Variants in TMEM150C observed in about 807,000 individuals in gnomAD.
TMEM150C encodes transmembrane protein 150C.
A neutral mutation model predicts 29.9 loss-of-function variants in TMEM150C; 10 were observed. The observed-to-expected ratio is 0.33, with a 90% confidence interval of 0.21 to 0.57. TMEM150C has a LOEUF of 0.57. Among genes scored for constraint, TMEM150C ranks in the 20% least tolerant of loss-of-function variants. The pLI, the probability that TMEM150C is intolerant of heterozygous loss-of-function variation, is 0.88. For synonymous variants in TMEM150C, 101 were observed against 112.5 expected, an observed-to-expected ratio of 0.90 and a Z score of 0.64; for missense variants, 251 against 303.6, an observed-to-expected ratio of 0.83 and a Z score of 1.29.
At position 82,523,647 on chromosome 4, in the gene TMEM150C, C is replaced by G. The variant is rs575189619; in HGVS notation, c.-10-18980G>C. On this transcript the variant is annotated intron_variant, in intron 1 of 7. Transcript: ENST00000449862. Reference sequence around the variant, plus strand: ...GAAAACTTCCCAAAGACCCCTTTCCCTCTCTATTTGCCTAAAATAATTTCT... The same window carrying G: ...GAAAACTTCCCAAAGACCCCTTTCCGTCTCTATTTGCCTAAAATAATTTCT... Among the ~76,000 whole-genome samples, 3 of 152,178 alleles carry G rather than the reference C, an allele frequency of 2.0e-5. No homozygotes were observed. In the East Asian group the frequency reaches 5.8e-4, roughly 29 times the overall value.
chr4:82,531,518 G>T (rs1239879594), intron 1 of TMEM150C, among the ~76,000 whole-genome samples: 2 of 152,138 alleles, frequency 1.3e-5, no homozygotes. Context: ...ACACTGGGAG[G>T]CCAAGGTGGG....
chr4:82,528,641 G>A (rs1724736165), intron 1 of TMEM150C, among the ~76,000 whole-genome samples: 1 of 142,538 alleles, frequency 7.0e-6, no homozygotes, highest in African/African-American at 2.7e-5. Flanking sequence ...CTCTGTCACC[G>A]AGGCTGGAGT....
At chr4:82,546,242 A>G (rs754021061) in intron 1 of TMEM150C, among the ~76,000 whole-genome samples, 22 of 152,230 alleles carry the variant, frequency 1.4e-4, no homozygotes, top group Non-Finnish European at 7.3e-5. Flanking sequence ...CTATTCTAAA[A>G]TTCACATGGA....
chr4:82,543,141 A>AG (rs1342778528), intron 1 of TMEM150C, among the ~76,000 whole-genome samples: 1 of 152,184 alleles, frequency 6.6e-6, no homozygotes, highest in African/African-American at 2.4e-5. Context: ...GATTGGGCCC[A>AG]GGGGGTCTAA....
At position 82,485,244 on chromosome 4, in the gene TMEM150C, G is replaced by A. The variant is rs1723120495; in HGVS notation, c.*267C>T. On this transcript the variant is annotated 3_prime_UTR_variant, in exon 8 of 8. Coordinates refer to ENST00000449862, the MANE Select transcript of TMEM150C (RefSeq NM_001080506.3). ...GGAAGAGGAGGGAGTGCTGGGAAGG[G>A]GACGGATAAGAAGTGATCATGCACA... The A allele has an allele frequency of 2.5e-6, 1 of 395,006 alleles. No individual in the cohort carries two copies. The highest frequency in any genetic ancestry group is 2.0e-5 in the African/African-American group (1 of 48,858). The allele number at this position is 395,006 out of a possible 1,614,324, so 24.5% of individuals were successfully genotyped here.
chr4:82,558,382 C>T (rs2110096053), intron 1 of TMEM150C, among the ~76,000 whole-genome samples: 1 of 152,244 alleles, frequency 6.6e-6, no homozygotes, highest in South Asian at 2.1e-4. Context: ...CAGCACTGAT[C>T]TAGAAAAGGC....
intron 1 of TMEM150C, among the ~76,000 whole-genome samples, chr4:82,522,667 G>A (rs1724523653): frequency 6.6e-6 from 1 of 152,204 alleles, no homozygotes; most frequent in African/African-American, 2.4e-5. Context: ...GGACCATGGA[G>A]ACAGGTACGG....
chr4:82,520,492 G>C (rs1051335315), intron 1 of TMEM150C, among the ~76,000 whole-genome samples: 1 of 152,126 alleles, frequency 6.6e-6, no homozygotes, highest in African/African-American at 2.4e-5. Flanking sequence ...CATTCAATGT[G>C]CCCAAAATCC....
intron 2 of TMEM150C, among the ~76,000 whole-genome samples, chr4:82,504,328 C>T (rs746872302): frequency 5.3e-5 from 8 of 152,062 alleles, no homozygotes; most frequent in Non-Finnish European, 1.2e-4. Context: ...CTCAGCCCCC[C>T]GAGTAGCTGG....
chr4:82,508,063 T>G (rs557265713), intron 1 of TMEM150C, among the ~76,000 whole-genome samples: 1 of 152,248 alleles, frequency 6.6e-6, no homozygotes, highest in East Asian at 1.9e-4. Flanking sequence ...GAATTAAAGT[T>G]AAAAGTAGGA....
chr4:82,561,844 C>T (rs1725946815), intron 1 of TMEM150C, 62 bp downstream of exon 1: 4 of 973,786 alleles, frequency 4.1e-6, no homozygotes, highest in South Asian at 4.7e-5. Context: ...GCGCACGGGG[C>T]CGGGCCGGAC....
chr4:82,508,486 G>A (rs1724010756), intron 1 of TMEM150C, among the ~76,000 whole-genome samples: 1 of 149,642 alleles, frequency 6.7e-6, no homozygotes, highest in Non-Finnish European at 1.5e-5. Context: ...TTTTTTTTGA[G>A]ATGGGGTCTC....
At chr4:82,541,413 G>A (rs377406742) in intron 1 of TMEM150C, among the ~76,000 whole-genome samples, 22 of 152,076 alleles carry the variant, frequency 1.4e-4, no homozygotes, top group Admixed American at 2.6e-4. Context: ...GATAACCATT[G>A]ATGTGAAAAA....
In TMEM150C at chr4:82,537,926, T is replaced by A. The variant is rs367852356; in HGVS notation, c.-11+23980A>T. Among the ~76,000 whole-genome samples the A allele has an allele frequency of 3.3e-5, 5 of 152,216 alleles. No homozygotes were observed. In the East Asian group the frequency reaches 9.6e-4, roughly 29 times the overall value. On this transcript the variant is annotated intron_variant, in intron 1 of 7. Coordinates refer to ENST00000449862, the MANE Select transcript of TMEM150C (RefSeq NM_001080506.3). ...TCCGGCCTCCAGGACTGTGAAAGAA[T>A]AAGTTTCTCCTGTTTTAAGCCACAA...
At chr4:82,495,296 G>A (rs1008526432) in intron 6 of TMEM150C, 1 of 208,142 alleles carries the variant, frequency 4.8e-6, no homozygotes, top group African/African-American at 2.4e-5. Context: ...CAAAAATTTA[G>A]CTGGGTGTGG....
intron 1 of TMEM150C, among the ~76,000 whole-genome samples, chr4:82,517,383 A>C (rs1724326310): frequency 1.3e-5 from 2 of 152,206 alleles, no homozygotes; most frequent in Non-Finnish European, 2.9e-5. Context: ...CTGGTAAAAC[A>C]TTATTCCTGA....
At chr4:82,559,206 T>C (rs143846539) in intron 1 of TMEM150C, among the ~76,000 whole-genome samples, 7,325 of 152,128 alleles carry the variant, frequency 0.048, 318 homozygotes, top group Admixed American at 0.14. Context: ...ATAAACAGCC[T>C]TGTTGCTCAC....
intron 1 of TMEM150C, among the ~76,000 whole-genome samples, chr4:82,526,861 ATGCCTTTCACTGG>A (rs1724668800): frequency 1.3e-5 from 2 of 152,220 alleles, no homozygotes; most frequent in South Asian, 4.2e-4. Flanking sequence ...GAGCGTAATT[ATGCCTTTCACTGG>A]TGACCGAGGG....
chr4:82,486,335 TAAAAAAAAAAAAAA>T (rs527967958), intron 7 of TMEM150C, among the ~76,000 whole-genome samples: 2 of 51,284 alleles, frequency 3.9e-5, no homozygotes, highest in Non-Finnish European at 6.8e-5. Flanking sequence ...GACTCCATCT[TAAAAAAAAAAAAAA>T]AAAAAAAAAA....
Sources: allele counts gnomAD v4.1 joint callset (sites outside exome capture counted in the v4.1 genomes callset), GRCh38; gene constraint gnomAD v4.1.1; transcripts MANE v1.5; gene names NCBI Gene and HGNC (gene_info 2026-07-23, HGNC 2026-07-21).